Variants in GRHL2 observed in about 807,000 individuals in gnomAD.
The protein encoded by GRHL2 is grainyhead-like protein 2 homolog.
A neutral mutation model predicts 83.8 loss-of-function variants in GRHL2; 21 were observed. That is an observed-to-expected ratio of 0.25 (90% CI 0.18 to 0.36). The LOEUF is 0.36. Ranked by LOEUF, GRHL2 falls within the 10% of genes least tolerant of loss-of-function variation. The pLI is 1.00. For synonymous variants in GRHL2, 280 were observed against 278.9 expected, an observed-to-expected ratio of 1.00 and a Z score of -0.04; for missense variants, 623 against 781.8, an observed-to-expected ratio of 0.80 and a Z score of 2.42.
intron 1 of GRHL2, among the ~76,000 whole-genome samples, chr8:101,526,942 G>A (rs921859077): frequency 6.6e-6 from 1 of 152,076 alleles, no homozygotes; most frequent in African/African-American, 2.4e-5. Flanking sequence ...TTGCTTGTTT[G>A]TTTGCTTGTT....
At chr8:101,659,929 G>A (rs1813882644) in intron 14 of GRHL2, among the ~76,000 whole-genome samples, 2 of 152,266 alleles carry the variant, frequency 1.3e-5, no homozygotes, top group African/African-American at 2.4e-5. Context: ...ATTCTAAAGA[G>A]ATGGTGAGCT....
chr8:101,568,969 T>C (rs1811769600), intron 4 of GRHL2, among the ~76,000 whole-genome samples: 1 of 151,868 alleles, frequency 6.6e-6, no homozygotes, highest in Non-Finnish European at 1.5e-5. Flanking sequence ...TGGTTAGGAG[T>C]TGTGAGGAAG....
At chr8:101,540,785 T>A (rs1168490150) in intron 1 of GRHL2, among the ~76,000 whole-genome samples, 1 of 152,190 alleles carries the variant, frequency 6.6e-6, no homozygotes, top group Non-Finnish European at 1.5e-5. Context: ...AGACCTCTTT[T>A]TTTTAGTCTT....
At position 101,633,755 on chromosome 8, in the gene GRHL2, G is replaced by A. The variant is rs2130403912; in HGVS notation, c.1485+1390G>A. 1.3e-5 allele frequency among the ~76,000 whole-genome samples: 2 copies of A among 152,038 alleles called. 1 individual carries two copies. The highest frequency in any genetic ancestry group is 4.2e-4 in the South Asian group (2 of 4,812). On this transcript the variant is annotated intron_variant, in intron 11 of 15. Transcript: ENST00000646743. Reference sequence around the variant, plus strand: ...TTTTTTTTTTAATTCCCAAGACCATGGTGATGATTTGTGTCTGCACTGTCT... The same window carrying A: ...TTTTTTTTTTAATTCCCAAGACCATAGTGATGATTTGTGTCTGCACTGTCT...
At chr8:101,536,999 G>A (rs1364230700) in intron 1 of GRHL2, among the ~76,000 whole-genome samples, 11 of 144,822 alleles carry the variant, frequency 7.6e-5, no homozygotes. Flanking sequence ...CTCATCATTT[G>A]GCTCCCACTT....
intron 14 of GRHL2, among the ~76,000 whole-genome samples, chr8:101,654,038 C>T (rs924296918): frequency 6.6e-6 from 1 of 152,180 alleles, no homozygotes; most frequent in African/African-American, 2.4e-5. Context: ...AGACGTGGCC[C>T]TACAGACTAT....
chr8:101,645,373 C>T (rs766719670), intron 13 of GRHL2, among the ~76,000 whole-genome samples: 2 of 152,034 alleles, frequency 1.3e-5, no homozygotes, highest in Non-Finnish European at 1.5e-5. Context: ...CCTTGTGATC[C>T]GGCCGCCTTG....
intron 2 of GRHL2, among the ~76,000 whole-genome samples, chr8:101,551,396 C>G (rs903713597): frequency 3.9e-5 from 6 of 152,094 alleles, no homozygotes; most frequent in African/African-American, 1.4e-4. Flanking sequence ...TGAACCCAGG[C>G]AAGCAGGCTC....
At chr8:101,594,069 CAAAAAAAAAA>C (rs534396520) in intron 7 of GRHL2, among the ~76,000 whole-genome samples, 57 of 49,106 alleles carry the variant, frequency 1.2e-3, no homozygotes, top group African/African-American at 4.7e-3. Flanking sequence ...GAGTCTGTAT[CAAAAAAAAAA>C]AAAAAAAAAA....
At chr8:101,540,404 CA>C in intron 1 of GRHL2, among the ~76,000 whole-genome samples, 1 of 152,198 alleles carries the variant, frequency 6.6e-6, no homozygotes, top group Non-Finnish European at 1.5e-5. Context: ...GCCTGCCAAC[CA>C]GGGTGTTTTC....
At chr8:101,525,772 C>T (rs1249126025) in intron 1 of GRHL2, among the ~76,000 whole-genome samples, 1 of 152,040 alleles carries the variant, frequency 6.6e-6, no homozygotes, top group Non-Finnish European at 1.5e-5. Flanking sequence ...AGTTTGAGAC[C>T]AGCCTGGCCA....
In GRHL2 at chr8:101,570,326, T is replaced by G. The variant is rs762346750; in HGVS notation, c.679-13T>G. ...ACCTATTTGTTTTAATTCCGATGACTCATATTTTGCAGAAATTTCGGAGTG... is the reference window on the plus strand; with the variant it reads ...ACCTATTTGTTTTAATTCCGATGACGCATATTTTGCAGAAATTTCGGAGTG... On this transcript the variant is annotated splice_polypyrimidine_tract_variant and intron_variant, in intron 4 of 15. Coordinates refer to ENST00000646743, the MANE Select transcript of GRHL2 (RefSeq NM_024915.4). 1 of 1,610,460 alleles carries G rather than the reference T, an allele frequency of 6.2e-7. No homozygotes were observed. Among genetic ancestry groups the G allele is most frequent in the South Asian group, 1.1e-5 (1 of 91,022 alleles).
At chr8:101,566,176 AC>A (rs1205622731) in intron 4 of GRHL2, among the ~76,000 whole-genome samples, 1 of 152,188 alleles carries the variant, frequency 6.6e-6, no homozygotes, top group Non-Finnish European at 1.5e-5. Context: ...CTATGGTAAC[AC>A]CAAATTTCTG....
intron 1 of GRHL2, among the ~76,000 whole-genome samples, chr8:101,498,285 A>AT (rs1315687291): frequency 6.6e-6 from 1 of 151,894 alleles, no homozygotes; most frequent in Non-Finnish European, 1.5e-5. Flanking sequence ...CGCTCGGCTG[A>AT]TTTTTTGTAT....
chr8:101,533,620 C>T (rs996276805), intron 1 of GRHL2, among the ~76,000 whole-genome samples: 4 of 152,010 alleles, frequency 2.6e-5, no homozygotes, highest in African/African-American at 7.3e-5. Flanking sequence ...AAGAAAGAGT[C>T]GAGAGCTGGG....
At chr8:101,565,488 A>C (rs1248800664) in intron 4 of GRHL2, among the ~76,000 whole-genome samples, 1 of 152,216 alleles carries the variant, frequency 6.6e-6, no homozygotes, top group African/African-American at 2.4e-5. Context: ...GCATGTCTGT[A>C]CAGTTCTCTT....
At chr8:101,674,718 A>G (rs1367287847), downstream of GRHL2, among the ~76,000 whole-genome samples, 1 of 152,226 alleles carries the variant, frequency 6.6e-6, no homozygotes, top group Non-Finnish European at 1.5e-5. Flanking sequence ...TGAGGCCAGC[A>G]TCATCCTGAT....
At chr8:101,671,355 G>A (rs1814204620), downstream of GRHL2, among the ~76,000 whole-genome samples, 3 of 152,208 alleles carry the variant, frequency 2.0e-5, no homozygotes, top group African/African-American at 7.2e-5. Flanking sequence ...GGCACACCAG[G>A]AGATTATATC....
chr8:101,639,576 C>T (rs1010189260), intron 12 of GRHL2, among the ~76,000 whole-genome samples: 6 of 152,208 alleles, frequency 3.9e-5, no homozygotes, highest in African/African-American at 1.4e-4. Context: ...CCATGATGCT[C>T]TACTGTGTAA....
Sources: allele counts gnomAD v4.1 joint callset (sites outside exome capture counted in the v4.1 genomes callset), GRCh38; gene constraint gnomAD v4.1.1; transcripts MANE v1.5; gene names NCBI Gene and HGNC (gene_info 2026-07-23, HGNC 2026-07-21).